SPOCK1: variants seen among roughly 807,000 people sequenced by gnomAD.
SPOCK1 encodes testican-1.
SPOCK1 carries 23 observed loss-of-function variants against 55.3 expected under a neutral mutation model. That is an observed-to-expected ratio of 0.42 (90% confidence interval 0.30 to 0.59). The LOEUF (loss-of-function observed/expected upper bound fraction) is 0.59, where lower values mean the gene tolerates loss of function less well. SPOCK1 is among the 20% of genes least tolerant of loss of function. SPOCK1 has a pLI of 0.22. For missense variants in SPOCK1, 499 were observed against 552.5 expected (o/e 0.90, Z 0.97); for synonymous variants, 226 against 221.0 (o/e 1.02, Z -0.20).
At chr5:137,496,736 C>G (rs1275994338) in intron 2 of SPOCK1, among the ~76,000 whole-genome samples, 2 of 152,108 alleles carry the variant, frequency 1.3e-5, no homozygotes, top group Non-Finnish European at 2.9e-5. Context: ...ATGAAGGATT[C>G]TCAGATCTAA....
intron 2 of SPOCK1, among the ~76,000 whole-genome samples, chr5:137,349,390 C>T (rs1228447735): frequency 6.6e-6 from 1 of 152,202 alleles, no homozygotes; most frequent in African/African-American, 2.4e-5. Context: ...ATTCTTGGGA[C>T]TGAAGATTCA....
intron 6 of SPOCK1, among the ~76,000 whole-genome samples, chr5:137,016,868 C>G (rs772420720): frequency 6.6e-6 from 1 of 152,200 alleles, no homozygotes; most frequent in Non-Finnish European, 1.5e-5. Context: ...TGCAGGTGGT[C>G]CAAGAAGTGG....
intron 3 of SPOCK1, among the ~76,000 whole-genome samples, chr5:137,227,006 T>G (rs1005097139): frequency 1.6e-4 from 25 of 152,220 alleles, no homozygotes; most frequent in Admixed American, 1.6e-3. Context: ...TTCAAAGCCT[T>G]CCTCTGTTAT....
chr5:137,221,107 T>C (rs1755839586), intron 3 of SPOCK1, among the ~76,000 whole-genome samples: 4 of 152,130 alleles, frequency 2.6e-5, no homozygotes, highest in Admixed American at 2.0e-4. Context: ...GAAACATAAA[T>C]GGGGGAGGCA....
chr5:137,043,202 T>C (rs1021351696), intron 6 of SPOCK1, among the ~76,000 whole-genome samples: 1 of 152,116 alleles, frequency 6.6e-6, no homozygotes, highest in East Asian at 1.9e-4. Flanking sequence ...CTGGAACAAT[T>C]TGAAATGTAA....
At chr5:137,258,045 A>G (rs1459071098) in intron 3 of SPOCK1, among the ~76,000 whole-genome samples, 4 of 152,222 alleles carry the variant, frequency 2.6e-5, no homozygotes, top group Non-Finnish European at 5.9e-5. Flanking sequence ...CCTTCCCAAT[A>G]TGAAACACCA....
At chr5:137,297,006 T>C (rs767696438) in intron 2 of SPOCK1, among the ~76,000 whole-genome samples, 2 of 152,216 alleles carry the variant, frequency 1.3e-5, no homozygotes, top group Non-Finnish European at 2.9e-5. Flanking sequence ...TGTGTGTATA[T>C]ATGTACAAAC....
intron 2 of SPOCK1, among the ~76,000 whole-genome samples, chr5:137,338,887 T>C (rs982177127): frequency 2.0e-5 from 3 of 152,216 alleles, no homozygotes; most frequent in Non-Finnish European, 2.9e-5. Flanking sequence ...TCTAATGAAC[T>C]GTACTGTTAT....
At chr5:137,150,528 A>G (rs1754298749) in intron 3 of SPOCK1, among the ~76,000 whole-genome samples, 1 of 152,118 alleles carries the variant, frequency 6.6e-6, no homozygotes, top group African/African-American at 2.4e-5. Flanking sequence ...AAGGGCCCAC[A>G]TTCAAGCACT....
At chr5:137,045,241 C>G (rs1362979059) in intron 6 of SPOCK1, among the ~76,000 whole-genome samples, 13 of 130,858 alleles carry the variant, frequency 9.9e-5, no homozygotes, top group African/African-American at 2.7e-4. Context: ...AATGGTTGAA[C>G]TAGTTTACAG....
chr5:137,158,687 A>T (rs2127049148), intron 3 of SPOCK1, among the ~76,000 whole-genome samples: 1 of 152,070 alleles, frequency 6.6e-6, no homozygotes, highest in Admixed American at 6.6e-5. Flanking sequence ...ACACTCCACA[A>T]AGTGCAGCTG....
chr5:137,122,384 C>CTTT (rs1412461294), intron 4 of SPOCK1, among the ~76,000 whole-genome samples: 1 of 152,088 alleles, frequency 6.6e-6, no homozygotes, highest in Non-Finnish European at 1.5e-5. Context: ...AACAGTTGAG[C>CTTT]TTTTTTTATT....
intron 1 of SPOCK1, among the ~76,000 whole-genome samples, 196 bp downstream of exon 1, chr5:137,498,983 C>T (rs1212136368): frequency 2.0e-5 from 3 of 151,802 alleles, no homozygotes; most frequent in African/African-American, 7.3e-5. Flanking sequence ...CTCCGGCAAG[C>T]GGGGTGGGGG....
At chr5:137,101,522 T>C (rs1753263996) in intron 5 of SPOCK1, among the ~76,000 whole-genome samples, 1 of 152,342 alleles carries the variant, frequency 6.6e-6, no homozygotes, top group African/African-American at 2.4e-5. Context: ...GAAAACCTAT[T>C]CTTCAAATCT....
In SPOCK1 at chr5:137,429,234, G is replaced by A. The variant is rs545299304; in HGVS notation, c.186+69139C>T. 7.9e-5 allele frequency among the ~76,000 whole-genome samples: 12 copies of A among 152,232 alleles called. No individual in the cohort carries two copies. The South Asian group carries it at 1.9e-3, about 24-fold the overall frequency. ...GGCTGCTGTGTCTCTGGAAATAGAC[G>A]TGACTCTGCCCCTTGGGATCACATA... On this transcript the variant is annotated intron_variant, in intron 2 of 10. Coordinates refer to ENST00000394945, the MANE Select transcript of SPOCK1 (RefSeq NM_004598.4).
intron 2 of SPOCK1, among the ~76,000 whole-genome samples, chr5:137,309,812 A>G (rs1285844069): frequency 1.3e-5 from 2 of 152,154 alleles, no homozygotes; most frequent in East Asian, 3.9e-4. Context: ...AGCATCTAGT[A>G]TCATGCCTCC....
chr5:137,426,386 T>C (rs75852559), intron 2 of SPOCK1, among the ~76,000 whole-genome samples: 7,292 of 152,238 alleles, frequency 0.048, 255 homozygotes, highest in African/African-American at 0.095. Flanking sequence ...CGCACACCTT[T>C]TCAGGAACTC....
At chr5:137,332,878 C>T (rs144430814) in intron 2 of SPOCK1, among the ~76,000 whole-genome samples, 112 of 152,204 alleles carry the variant, frequency 7.4e-4, no homozygotes, top group African/African-American at 2.5e-3. Flanking sequence ...GTGAGTATCA[C>T]AAATAATGAG....
chr5:137,230,955 A>G lies in SPOCK1; in HGVS notation c.232+36055T>C, dbSNP rs918915852. Reference sequence around the variant, plus strand: ...TGTGTGTGTATGTATGCCTAGTTCCACAAAATTCCATCACATGTATACCTT... The same window carrying G: ...TGTGTGTGTATGTATGCCTAGTTCCGCAAAATTCCATCACATGTATACCTT... On this transcript the variant is annotated intron_variant, in intron 3 of 10. Coordinates refer to ENST00000394945, the MANE Select transcript of SPOCK1 (RefSeq NM_004598.4). Among the ~76,000 whole-genome samples, 3 of 152,168 alleles carry G rather than the reference A, an allele frequency of 2.0e-5. No individual in the cohort carries two copies. In the East Asian group the frequency reaches 5.8e-4, roughly 29 times the overall value.
Sources: allele counts gnomAD v4.1 joint callset (sites outside exome capture counted in the v4.1 genomes callset), GRCh38; gene constraint gnomAD v4.1.1; transcripts MANE v1.5; gene names NCBI Gene and HGNC (gene_info 2026-07-23, HGNC 2026-07-21).